ACTG2: variants seen among roughly 807,000 people sequenced by gnomAD.
ACTG2 encodes the protein actin gamma 2, smooth muscle.
A neutral mutation model predicts 37.6 loss-of-function variants in ACTG2; 16 were observed. That is an observed-to-expected ratio of 0.43 (90% CI 0.29 to 0.65). The LOEUF is 0.65. Ranked by LOEUF, ACTG2 falls within the 30% of genes least tolerant of loss-of-function variation. The probability of loss-of-function intolerance (pLI) is 0.18; values close to 1 mark genes in which losing one functional copy is unlikely to be tolerated. For missense variants in ACTG2, 238 were observed against 490.9 expected (o/e 0.48, Z 4.87); for synonymous variants, 181 against 179.9 (o/e 1.01, Z -0.05).
intron 3 of ACTG2, chr2:73,908,254 A>ACTTCTT (rs1422127344): frequency 2.1e-6 from 1 of 470,644 alleles, no homozygotes; most frequent in Non-Finnish European, 4.4e-6. Flanking sequence ...TTGTCAGGAG[A>ACTTCTT]TAGACCCTGA....
intron 1 of ACTG2, among the ~76,000 whole-genome samples, chr2:73,897,750 C>T (rs1679780731): frequency 6.6e-6 from 1 of 152,198 alleles, no homozygotes; most frequent in Admixed American, 6.5e-5. Context: ...AAGATCAAGG[C>T]ACCAGCAGAT....
rs976531926 is a variant in ACTG2, at chr2:73,919,675, T to C, written c.*100T>C. On this transcript the variant is annotated 3_prime_UTR_variant, in exon 9 of 9. Coordinates refer to ENST00000345517, the MANE Select transcript of ACTG2 (RefSeq NM_001615.4). ...CTTACTTCTCTGTGTGGGGCTCTTT[T>C]TTCCTGGGCTATGTCTCATACACAG... 7.3e-7 allele frequency: 1 copy of C among 1,364,112 alleles called. No individual in the cohort carries two copies. Among genetic ancestry groups the C allele is most frequent in the African/African-American group, 1.5e-5 (1 of 68,760 alleles). The allele number at this position is 1,364,112 out of a possible 1,614,324, so 84.5% of individuals were successfully genotyped here.
At chr2:73,893,614 G>A (rs2104796668) in intron 1 of ACTG2, among the ~76,000 whole-genome samples, 1 of 152,254 alleles carries the variant, frequency 6.6e-6, no homozygotes, top group South Asian at 2.1e-4. Context: ...GAAGGCTCTA[G>A]GATCATTGGG....
rs1193004326 is a variant in ACTG2, at chr2:73,897,596, A to G, written c.-36-3680A>G. On this transcript the variant is annotated intron_variant, in intron 1 of 8. Transcript: ENST00000345517. ...GCACACCAGGTCTGGGAGGGGGGCCACTCAGACGGCAACATTGTCATTCAA... is the reference window on the plus strand; with the variant it reads ...GCACACCAGGTCTGGGAGGGGGGCCGCTCAGACGGCAACATTGTCATTCAA... 6.6e-5 allele frequency among the ~76,000 whole-genome samples: 10 copies of G among 152,260 alleles called. No homozygotes were observed. The South Asian group carries it at 2.1e-3, about 32-fold the overall frequency.
At chr2:73,916,441 G>A (rs563455543) in intron 7 of ACTG2, 143 bp from the exon 8 acceptor site, 4 of 696,640 alleles carry the variant, frequency 5.7e-6, no homozygotes, top group Non-Finnish European at 9.3e-6. Context: ...AAGGAAGGGG[G>A]TATGATCTTA....
chr2:73,916,791 T>A (rs1207768958), intron 8 of ACTG2, 26 bp downstream of exon 8: 4 of 1,606,542 alleles, frequency 2.5e-6, no homozygotes, highest in Admixed American at 3.4e-5. Flanking sequence ...GTTGTCTCCA[T>A]CCTGTTCTTT....
chr2:73,917,842 T>G (rs1281278918), intron 8 of ACTG2, among the ~76,000 whole-genome samples: 3 of 152,112 alleles, frequency 2.0e-5, no homozygotes, highest in Non-Finnish European at 4.4e-5. Flanking sequence ...AGGCCTGTCC[T>G]GTGGAGAGCT....
chr2:73,907,350 A>G lies in ACTG2; in HGVS notation c.256-1323A>G, dbSNP rs1188559553. ...ATGGCATCAAATGACCCTGTGCCTCACCTCTGAGGAAACCAAAGCCCCATG... is the reference window on the plus strand; with the variant it reads ...ATGGCATCAAATGACCCTGTGCCTCGCCTCTGAGGAAACCAAAGCCCCATG... On this transcript the variant is annotated intron_variant, in intron 3 of 8. Coordinates refer to ENST00000345517, the MANE Select transcript of ACTG2 (RefSeq NM_001615.4). Among the ~76,000 whole-genome samples, 3 of 152,088 alleles carry G rather than the reference A, an allele frequency of 2.0e-5. No individual in the cohort carries two copies. In the East Asian group the frequency reaches 5.8e-4, roughly 29 times the overall value.
Position 73,908,700 on chromosome 2 carries a change from C to T in ACTG2, c.283C>T (p.Leu95=). The T allele has an allele frequency of 6.2e-7, 1 of 1,611,728 alleles. No individual in the cohort carries two copies. The highest frequency in any genetic ancestry group is 8.5e-7 in the Non-Finnish European group (1 of 1,178,944). The change falls in exon 4 of 9, where the codon CTG becomes TTG. Residue 95 remains leucine (L), a synonymous_variant. Coordinates refer to ENST00000345517, the MANE Select transcript of ACTG2 (RefSeq NM_001615.4). ...CTGGCACCACTCCTTCTACAATGAG[C>T]TGCGTGTAGCACCTGAAGAGCACCC... ...KIWHHSFYNE[L]RVAPEEHPTL...
chr2:73,902,029 GTGTGTGTGTGTC>G (rs1169121103), intron 2 of ACTG2, among the ~76,000 whole-genome samples: 1 of 99,170 alleles, frequency 1.0e-5, no homozygotes, highest in East Asian at 2.6e-4. Context: ...GTGTGTGTGT[GTGTGTGTGTGTC>G]TGTGTGTGTG....
At chr2:73,900,016 C>G (rs1389376067) in intron 1 of ACTG2, among the ~76,000 whole-genome samples, 1 of 152,214 alleles carries the variant, frequency 6.6e-6, no homozygotes, top group African/African-American at 2.4e-5. Flanking sequence ...GGTGCTGTCT[C>G]CTCTCTGCTT....
intron 3 of ACTG2, chr2:73,908,416 AGAG>A: frequency 1.8e-6 from 1 of 566,604 alleles, no homozygotes; most frequent in Non-Finnish European, 3.4e-6. Context: ...AGGAGAGTGA[AGAG>A]GAGGGAAGGT....
intron 5 of ACTG2, among the ~76,000 whole-genome samples, chr2:73,911,117 C>T (rs1038238296): frequency 1.2e-4 from 19 of 152,062 alleles, no homozygotes; most frequent in Non-Finnish European, 1.9e-4. Context: ...GGAATATCTC[C>T]GGAAGGACCT....
chr2:73,896,056 C>T (rs551366089), intron 1 of ACTG2, among the ~76,000 whole-genome samples: 5 of 152,052 alleles, frequency 3.3e-5, no homozygotes, highest in Admixed American at 6.6e-5. Context: ...AATGTAGGGC[C>T]GGGTGCAGTG....
chr2:73,907,435 TGAA>T (rs2104813826), intron 3 of ACTG2, among the ~76,000 whole-genome samples: 1 of 152,336 alleles, frequency 6.6e-6, no homozygotes, highest in South Asian at 2.1e-4. Context: ...ACTTGATCAC[TGAA>T]GAAGGAACTG....
chr2:73,913,101 A>G (rs1395279856), intron 5 of ACTG2, among the ~76,000 whole-genome samples: 2 of 141,800 alleles, frequency 1.4e-5, no homozygotes, highest in African/African-American at 5.2e-5. Context: ...CGTAGGAGAC[A>G]GAGGTTTCAG....
At chr2:73,902,231 A>G (rs1679907268) in intron 2 of ACTG2, 129 bp from the exon 3 acceptor site, 3 of 1,083,124 alleles carry the variant, frequency 2.8e-6, no homozygotes, top group African/African-American at 1.6e-5. Flanking sequence ...GTCTCCTGCT[A>G]TCCTGTTTCT....
At chr2:73,894,564 G>A (rs72814195) in intron 1 of ACTG2, among the ~76,000 whole-genome samples, 1 of 152,134 alleles carries the variant, frequency 6.6e-6, no homozygotes, top group African/African-American at 2.4e-5. Context: ...CAGTGGAGAG[G>A]CTTCTGCAGT....
At chr2:73,903,701 G>A (rs765934757) in intron 3 of ACTG2, among the ~76,000 whole-genome samples, 8 of 152,104 alleles carry the variant, frequency 5.3e-5, no homozygotes, top group South Asian at 2.1e-4. Context: ...CAGCACTTTG[G>A]GAGACCGAGG....
Sources: allele counts gnomAD v4.1 joint callset (sites outside exome capture counted in the v4.1 genomes callset), GRCh38; gene constraint gnomAD v4.1.1; transcripts MANE v1.5; gene names NCBI Gene and HGNC (gene_info 2026-07-23, HGNC 2026-07-21).